FHAD1: variants seen among roughly 807,000 people sequenced by gnomAD.
The protein encoded by FHAD1 is forkhead-associated domain-containing protein 1.
A neutral mutation model predicts 191.3 loss-of-function variants in FHAD1; 146 were observed. The ratio of observed to expected loss-of-function variants is 0.76; its 90% CI spans 0.67 to 0.88. The LOEUF (loss-of-function observed/expected upper bound fraction) is 0.88, where lower values mean the gene tolerates loss of function less well. FHAD1 is among the 40% of genes least tolerant of loss of function. The pLI is 0.00. For missense variants in FHAD1, 1,635 were observed against 1,785.8 expected (o/e 0.92, Z 1.52); for synonymous variants, 616 against 672.3 (o/e 0.92, Z 1.29).
chr1:15,312,981 C>G lies in FHAD1; in HGVS notation c.1040-76C>G. On this transcript the variant is annotated intron_variant, in intron 7 of 33. Transcript: ENST00000688493. The surrounding 1 kb of genome is among the most constrained non-coding windows in gnomAD (Gnocchi z 4.7). ...TCCCTTCTCAGTGCCAGGCTCGTCA[C>G]AAACTGGTTGACAGCGGCAGCGATG... is the stretch of plus-strand genomic sequence containing the variant. The G allele has an allele frequency of 1.3e-6, 2 of 1,526,202 alleles. No homozygotes were observed. Among genetic ancestry groups the G allele is most frequent in the South Asian group, 2.5e-5 (2 of 79,740 alleles). The allele number at this position is 1,526,202 out of a possible 1,614,324, so 94.5% of individuals were successfully genotyped here. A position where few individuals can be genotyped will look rare whatever the true frequency, so the allele number is the denominator to read the frequency against.
intron 1 of FHAD1, among the ~76,000 whole-genome samples, chr1:15,240,512 TC>T (rs1407420325): frequency 2.0e-5 from 3 of 151,368 alleles, no homozygotes; most frequent in African/African-American, 7.3e-5. Flanking sequence ...ATGGCTGTGG[TC>T]CCAGCTACTC....
At chr1:15,246,127 A>T (rs919410535), upstream of FHAD1, among the ~76,000 whole-genome samples, 1 of 152,192 alleles carries the variant, frequency 6.6e-6, no homozygotes, top group African/African-American at 2.4e-5. Flanking sequence ...AGCATGTTGT[A>T]ACATGGTGTA....
intron 26 of FHAD1, among the ~76,000 whole-genome samples, chr1:15,373,665 C>CA: frequency 6.6e-6 from 1 of 152,210 alleles, no homozygotes; most frequent in East Asian, 1.9e-4. Flanking sequence ...CCAGCGTGGG[C>CA]AACAAAGCGA....
intron 23 of FHAD1, 93 bp from the exon 24 acceptor site, chr1:15,365,734 A>G (rs1339396100): frequency 5.4e-6 from 4 of 740,258 alleles, no homozygotes; most frequent in Non-Finnish European, 9.4e-6. Flanking sequence ...GTGATTGAGA[A>G]TCTCTTTGCA....
upstream of FHAD1, among the ~76,000 whole-genome samples, chr1:15,244,293 C>T (rs1645736923): frequency 6.6e-6 from 1 of 152,154 alleles, no homozygotes; most frequent in Non-Finnish European, 1.5e-5. This position sits in a 1 kb window ranked among gnomAD's most constrained non-coding sequence, Gnocchi z 5.1. Flanking sequence ...ACTTCGGCTC[C>T]ACTGATTCTG....
chr1:15,250,919 C>G (rs1371569794), intron 1 of FHAD1, among the ~76,000 whole-genome samples: 1 of 152,174 alleles, frequency 6.6e-6, no homozygotes, highest in Non-Finnish European at 1.5e-5. Flanking sequence ...AGGTTAACAA[C>G]ACTAATAAGA....
intron 21 of FHAD1, 59 bp downstream of exon 21, chr1:15,358,342 C>T: frequency 6.8e-7 from 1 of 1,473,008 alleles, no homozygotes; most frequent in Non-Finnish European, 9.1e-7. Context: ...ATTACAGTGC[C>T]ACGAGAATGT....
chr1:15,241,297 G>A (rs1645338873), intron 1 of FHAD1, among the ~76,000 whole-genome samples: 2 of 152,154 alleles, frequency 1.3e-5, no homozygotes, highest in Admixed American at 6.5e-5. Flanking sequence ...CAAACATAAC[G>A]TCAAGCGAAA....
At chr1:15,373,469 G>A (rs990453801) in intron 26 of FHAD1, among the ~76,000 whole-genome samples, 1 of 151,484 alleles carries the variant, frequency 6.6e-6, no homozygotes, top group East Asian at 1.9e-4. Flanking sequence ...CCAAGATCAC[G>A]CCACTGCACT....
At chr1:15,302,422 T>C (rs952222730) in intron 6 of FHAD1, among the ~76,000 whole-genome samples, 1 of 152,190 alleles carries the variant, frequency 6.6e-6, no homozygotes, top group Non-Finnish European at 1.5e-5. Flanking sequence ...TTTTTTTTTT[T>C]ACTTTAAGAT....
At position 15,341,771 on chromosome 1, in the gene FHAD1, T is replaced by G; in HGVS notation, c.2013T>G (p.Ser671=). The G allele has an allele frequency of 6.4e-7, 1 of 1,551,766 alleles. No homozygotes were observed. Among genetic ancestry groups the G allele is most frequent in the Non-Finnish European group, 8.7e-7 (1 of 1,146,852 alleles). Residue 671 remains serine, a synonymous_variant, in exon 16 of 34, where the codon TCT becomes TCG. Transcript: ENST00000688493. The part of the protein sequence containing the change: ...KFNSSQETQQ[S]LLQEKLREHL... Reference sequence around the variant, plus strand: ...ACAGTTCTCAGGAAACTCAGCAGTCTTTACTGCAGGAAAAGCTGCGGGAGC... The same window carrying G: ...ACAGTTCTCAGGAAACTCAGCAGTCGTTACTGCAGGAAAAGCTGCGGGAGC...
chr1:15,263,457 T>C (rs898509666), intron 2 of FHAD1, among the ~76,000 whole-genome samples: 6 of 151,596 alleles, frequency 4.0e-5, no homozygotes, highest in African/African-American at 1.5e-4. Context: ...AGGTCTTTGA[T>C]CCATTTTGAA....
intron 4 of FHAD1, among the ~76,000 whole-genome samples, chr1:15,296,227 A>G (rs1666909946): frequency 6.6e-6 from 1 of 151,280 alleles, no homozygotes; most frequent in South Asian, 2.1e-4. Flanking sequence ...ACTGCTTTTC[A>G]GTGAACACAC....
chr1:15,347,892 C>T (rs1169291540), intron 18 of FHAD1, among the ~76,000 whole-genome samples: 1 of 152,194 alleles, frequency 6.6e-6, no homozygotes, highest in Non-Finnish European at 1.5e-5. Context: ...AGCAACTGAG[C>T]ATGTAGGGCC....
intron 16 of FHAD1, among the ~76,000 whole-genome samples, 162 bp from the exon 17 acceptor site, chr1:15,344,921 C>T (rs1276550541): frequency 6.6e-6 from 1 of 152,162 alleles, no homozygotes; most frequent in African/African-American, 2.4e-5. Context: ...CCCTGGGTCT[C>T]CTGACTCCAG....
intron 8 of FHAD1, among the ~76,000 whole-genome samples, chr1:15,314,892 G>T (rs2101307947): frequency 7.0e-6 from 1 of 143,806 alleles, no homozygotes; most frequent in Admixed American, 6.9e-5. Context: ...GGGTGCGTGT[G>T]GGGTGTGTGG....
chr1:15,382,028 G>A lies in FHAD1; in HGVS notation c.4023G>A (p.Arg1341=). 3 of 1,551,980 alleles carry A rather than the reference G, an allele frequency of 1.9e-6. No homozygotes were observed. The highest frequency in any genetic ancestry group is 2.6e-6 in the Non-Finnish European group (3 of 1,147,056). ...RGYEKDVEQL[R]RSKVSIEMYQ... is the part of the protein sequence containing the mutation. The stretch of plus-strand genomic sequence containing the variant: ...GACGCCATCTCTCCTGTGCACCCAG[G>A]CGGAGCAAAGTGTCCATTGAGATGT... Residue 1341 remains arginine (R), a splice_region_variant and synonymous_variant, in exon 31 of 34, where the codon AGG becomes AGA. Transcript: ENST00000688493.
At chr1:15,343,445 G>C (rs1450649741) in intron 16 of FHAD1, among the ~76,000 whole-genome samples, 1 of 149,396 alleles carries the variant, frequency 6.7e-6, no homozygotes. Context: ...TACTGGACCT[G>C]CCCCCTTCTC....
At chr1:15,376,761 T>C (rs534477445) in intron 28 of FHAD1, among the ~76,000 whole-genome samples, 49 of 152,318 alleles carry the variant, frequency 3.2e-4, no homozygotes, top group African/African-American at 1.1e-3. Flanking sequence ...ATAGGCCAGG[T>C]GTGGTGGCTC....
Sources: gnomAD v4.1 joint callset for allele counts (sites outside exome capture counted in the v4.1 genomes callset) on GRCh38, gnomAD v4.1.1 for gene constraint, Gnocchi (gnomAD v3.1) non-coding constraint, MANE v1.5 for transcripts, NCBI Gene and HGNC (gene_info 2026-07-23, HGNC 2026-07-21) for gene names.